The following CKAP5 variants were observed in gnomAD, a reference collection of about 807,000 sequenced individuals.
CKAP5 encodes the protein cytoskeleton-associated protein 5.
A neutral mutation model predicts 232.8 loss-of-function variants in CKAP5; 27 were observed. The ratio of observed to expected loss-of-function variants is 0.12; its 90% confidence interval spans 0.09 to 0.16. The LOEUF (loss-of-function observed/expected upper bound fraction) is 0.16. CKAP5 is among the 10% of genes least tolerant of loss of function. The pLI, the probability that CKAP5 is intolerant of heterozygous loss-of-function variation, is 1.00. For missense variants in CKAP5, 1,838 were observed against 2,424.7 expected (o/e 0.76, Z 5.08); for synonymous variants, 785 against 841.1 (o/e 0.93, Z 1.16).
chr11:46,794,319 C>G (rs771751818), intron 13 of CKAP5, among the ~76,000 whole-genome samples: 8 of 152,042 alleles, frequency 5.3e-5, no homozygotes, highest in Non-Finnish European at 1.2e-4. Flanking sequence ...AAAAAATCAG[C>G]TGTGTGTGGT....
chr11:46,843,189 G>A (rs1775776716), intron 1 of CKAP5, among the ~76,000 whole-genome samples: 1 of 152,148 alleles, frequency 6.6e-6, no homozygotes, highest in South Asian at 2.1e-4. Context: ...TAAGTCAGGA[G>A]GCAGATTACA....
chr11:46,770,929 G>T lies in CKAP5; in HGVS notation c.3045C>A (p.Asp1015Glu). ...KLPTLRSTPT[D>E]LILCVPHLYS... ...AGAGATGAGGAACACAAAGGATAAGGTCTGTAGGGGTGGAACGAAGAGTAG... is the reference window on the plus strand; with the variant it reads ...AGAGATGAGGAACACAAAGGATAAGTTCTGTAGGGGTGGAACGAAGAGTAG... Residue 1015 changes from aspartate (D) to glutamate (E), a missense_variant, in exon 25 of 44, where the codon GAC becomes GAA. Around this residue, in one of 6 missense-constraint regions of CKAP5, gnomAD observed 767 missense variants for 954.6 expected, o/e 0.80. Coordinates refer to ENST00000529230, the MANE Select transcript of CKAP5 (RefSeq NM_001008938.4). 1.2e-6 allele frequency: 2 copies of T among 1,614,088 alleles called. No individual in the cohort carries two copies. Among genetic ancestry groups the T allele is most frequent in the Non-Finnish European group, 1.7e-6 (2 of 1,179,970 alleles).
chr11:46,835,331 C>T (rs771568790), intron 1 of CKAP5, among the ~76,000 whole-genome samples: 23 of 151,782 alleles, frequency 1.5e-4, no homozygotes, highest in Admixed American at 5.9e-4. Flanking sequence ...AAGGAGCAGA[C>T]GGCAGAGTAT....
intron 38 of CKAP5, 99 bp downstream of exon 38, chr11:46,752,536 G>C (rs1453463444): frequency 1.2e-6 from 1 of 829,106 alleles, no homozygotes; most frequent in Non-Finnish European, 1.9e-6. Flanking sequence ...TGGTTGATTT[G>C]AGCCTATGTC....
chr11:46,796,493 A>T (rs56311746), intron 12 of CKAP5, among the ~76,000 whole-genome samples: 22,593 of 152,174 alleles, frequency 0.15, 2,560 homozygotes, highest in African/African-American at 0.32. Flanking sequence ...ATAGCCTGGA[A>T]TGAAACTTAA....
intron 25 of CKAP5, among the ~76,000 whole-genome samples, 171 bp downstream of exon 25, chr11:46,770,617 T>C (rs1317294051): frequency 6.6e-6 from 1 of 152,100 alleles, no homozygotes; most frequent in African/African-American, 2.4e-5. Context: ...TTTGTAGAGA[T>C]GGGGTTTCAC....
chr11:46,757,637 G>GGGTA (rs1190880181), intron 35 of CKAP5, among the ~76,000 whole-genome samples: 2 of 151,872 alleles, frequency 1.3e-5, no homozygotes, highest in Non-Finnish European at 2.9e-5. Flanking sequence ...ACCCAGGCTG[G>GGGTA]GGTACACTGG....
intron 42 of CKAP5, 45 bp downstream of exon 42, chr11:46,750,229 G>T (rs773235303): frequency 1.3e-6 from 2 of 1,580,188 alleles, no homozygotes; most frequent in Non-Finnish European, 1.7e-6. Context: ...CCTGTGCTAG[G>T]AGCTATTTTG....
At chr11:46,842,966 CAAAA>C (rs60343444) in intron 1 of CKAP5, among the ~76,000 whole-genome samples, 1 of 39,406 alleles carries the variant, frequency 2.5e-5, no homozygotes, top group Non-Finnish European at 4.6e-5. Flanking sequence ...GACTCCGTCT[CAAAA>C]AAAAAAAAAA....
chr11:46,771,577 A>G (rs994021199), intron 24 of CKAP5, among the ~76,000 whole-genome samples: 2 of 152,212 alleles, frequency 1.3e-5, no homozygotes, highest in African/African-American at 2.4e-5. Context: ...CTTAATTGCT[A>G]AATAGTATTC....
At chr11:46,768,483 G>T (rs1009167791) in intron 26 of CKAP5, among the ~76,000 whole-genome samples, 1 of 152,054 alleles carries the variant, frequency 6.6e-6, no homozygotes, top group Admixed American at 6.6e-5. Flanking sequence ...AGCCCAGACT[G>T]ATACTTTCTT....
At chr11:46,757,053 C>T (rs1212538676) in intron 35 of CKAP5, among the ~76,000 whole-genome samples, 2 of 151,598 alleles carry the variant, frequency 1.3e-5, no homozygotes, top group African/African-American at 4.8e-5. Flanking sequence ...GCATGAGCCA[C>T]AGCGCCCAGC....
intron 27 of CKAP5, among the ~76,000 whole-genome samples, chr11:46,766,038 T>G (rs182005420): frequency 2.3e-4 from 35 of 152,322 alleles, no homozygotes; most frequent in African/African-American, 8.4e-4. Flanking sequence ...GTCACTAAAG[T>G]GGTTTTAAAA....
chr11:46,762,968 C>T lies in CKAP5; in HGVS notation c.3891+8G>A, dbSNP rs1449499497. 1.9e-6 allele frequency: 3 copies of T among 1,610,594 alleles called. No homozygotes were observed. Among genetic ancestry groups the T allele is most frequent in the Admixed American group, 1.7e-5 (1 of 59,982 alleles). On this transcript the variant is annotated splice_region_variant and intron_variant, in intron 30 of 43. Transcript: ENST00000529230. The stretch of plus-strand genomic sequence containing the variant: ...AAGCAGTCTCCCAGAGAGAGAACAC[C>T]ACATTACCTTGACGACAAGATAGGG...
intron 13 of CKAP5, among the ~76,000 whole-genome samples, chr11:46,794,089 T>A (rs1054221699): frequency 9.9e-5 from 15 of 152,208 alleles, no homozygotes; most frequent in African/African-American, 3.6e-4. Flanking sequence ...ACACCGTATA[T>A]AAAAATAAAG....
intron 42 of CKAP5, among the ~76,000 whole-genome samples, chr11:46,747,997 T>C (rs774865578): frequency 4.6e-5 from 7 of 152,022 alleles, no homozygotes; most frequent in Non-Finnish European, 1.0e-4. Context: ...TGAGCCATGA[T>C]TGCGCCACTG....
intron 13 of CKAP5, 94 bp from the exon 14 acceptor site, chr11:46,790,677 T>C (rs7940578): frequency 0.71 from 589,370 of 824,928 alleles, 216,674 homozygotes; most frequent in Non-Finnish European, 0.77. Context: ...GTGTCTCATA[T>C]TGTTGTCGAG....
intron 1 of CKAP5, among the ~76,000 whole-genome samples, chr11:46,833,482 A>T (rs1939840714): frequency 1.4e-5 from 2 of 147,818 alleles, no homozygotes; most frequent in Non-Finnish European, 1.5e-5. Context: ...ATTATTATTA[A>T]TTTTTTTTTT....
intron 4 of CKAP5, 112 bp downstream of exon 4, chr11:46,816,086 C>A: frequency 1.2e-6 from 1 of 816,926 alleles, no homozygotes; most frequent in Admixed American, 2.2e-5. Context: ...CCCCCCCATC[C>A]CCCCAACACA....
Sources: allele counts gnomAD v4.1 joint callset (sites outside exome capture counted in the v4.1 genomes callset), GRCh38; gene constraint gnomAD v4.1.1; regional missense constraint gnomAD v4.1.1; transcripts MANE v1.5; gene names NCBI Gene and HGNC (gene_info 2026-07-23, HGNC 2026-07-21).